GPR160: variants seen among roughly 807,000 people sequenced by gnomAD.
GPR160 encodes the protein probable G protein-coupled receptor 160.
Under a neutral mutation model 2.6 loss-of-function variants are expected in GPR160, and 2 were observed. The observed-to-expected ratio is 0.77, with a 90% CI of 0.32 to 2.44. The LOEUF is 2.44. GPR160 is among the 30% of genes most tolerant of loss of function. The pLI is 0.11. For missense variants in GPR160, 351 were observed against 383.6 expected, an observed-to-expected ratio of 0.91 and a Z score of 0.71; for synonymous variants, 130 against 132.2, an observed-to-expected ratio of 0.98 and a Z score of 0.12.
At chr3:170,046,635 T>C (rs993975533) in intron 2 of GPR160, among the ~76,000 whole-genome samples, 21 of 152,212 alleles carry the variant, frequency 1.4e-4, no homozygotes, top group African/African-American at 5.1e-4. Context: ...ATAGAACAGA[T>C]ACATTGAGAG....
At chr3:170,052,977 T>G (rs548320931) in intron 2 of GPR160, among the ~76,000 whole-genome samples, 2 of 150,014 alleles carry the variant, frequency 1.3e-5, no homozygotes, top group South Asian at 4.3e-4. Context: ...TTTCCTTTCC[T>G]CCATTGAATT....
At chr3:170,062,633 T>A (rs1353832105) in intron 2 of GPR160, 1 of 1,414,922 alleles carries the variant, frequency 7.1e-7, no homozygotes, top group African/African-American at 1.4e-5. Flanking sequence ...GGCCTCGTCT[T>A]GTGATTCCAC....
intron 2 of GPR160, among the ~76,000 whole-genome samples, chr3:170,041,523 G>T (rs1681749096): frequency 6.6e-6 from 1 of 152,074 alleles, no homozygotes; most frequent in South Asian, 2.1e-4. Context: ...CTCGTGATCT[G>T]CCCGCCTCAG....
intron 2 of GPR160, chr3:170,057,293 G>A (rs1180298640): frequency 2.6e-5 from 4 of 152,192 alleles, no homozygotes; most frequent in Non-Finnish European, 5.9e-5. Context: ...TTTAGAATAA[G>A]GGGATATAGC....
intron 2 of GPR160, among the ~76,000 whole-genome samples, chr3:170,071,162 T>G (rs1268749844): frequency 6.6e-6 from 1 of 152,178 alleles, no homozygotes; most frequent in Admixed American, 6.5e-5. Context: ...GGTTTAGATA[T>G]GTGTCCCCTC....
intron 2 of GPR160, among the ~76,000 whole-genome samples, chr3:170,061,902 A>AGGATTTGGGAGGC (rs1169961623): frequency 6.6e-6 from 1 of 152,130 alleles, no homozygotes; most frequent in Non-Finnish European, 1.5e-5. Flanking sequence ...GAATCCCAGC[A>AGGATTTGGGAGGC]CTTTGGGAGG....
chr3:170,075,007 C>T (rs995423478), intron 2 of GPR160, among the ~76,000 whole-genome samples: 1 of 152,290 alleles, frequency 6.6e-6, no homozygotes, highest in East Asian at 1.9e-4. Flanking sequence ...GGGCAGATCA[C>T]TTTAAGTCAG....
At chr3:170,078,914 G>A (rs928340433) in intron 2 of GPR160, among the ~76,000 whole-genome samples, 7 of 152,082 alleles carry the variant, frequency 4.6e-5, no homozygotes, top group South Asian at 4.1e-4. Flanking sequence ...CATAGCTTCC[G>A]GGGGAGAATA....
intron 2 of GPR160, among the ~76,000 whole-genome samples, chr3:170,045,442 A>AAAAAAAAAAC (rs1716675257): frequency 8.1e-6 from 1 of 122,992 alleles, no homozygotes; most frequent in Non-Finnish European, 1.7e-5. Context: ...AAAAAAAAAA[A>AAAAAAAAAAC]AAAAACCAAT....
intron 3 of GPR160, among the ~76,000 whole-genome samples, chr3:170,081,476 AAGT>A (rs1713125141): frequency 6.6e-6 from 1 of 152,218 alleles, no homozygotes; most frequent in Admixed American, 6.5e-5. Context: ...ACGTTTGTAT[AAGT>A]AGATTATTTG....
rs1349775320 is a variant in GPR160, at chr3:170,072,083, T to C, written c.-192-7691T>C. 1.0e-4 allele frequency among the ~76,000 whole-genome samples: 15 copies of C among 146,512 alleles called. No individual in the cohort carries two copies. The South Asian group carries it at 3.4e-3, about 33-fold the overall frequency. On this transcript the variant is annotated intron_variant, in intron 2 of 3. Transcript: ENST00000355897. ...GTATACAAGCTTTTTTTTTTTTTTT[T>C]TTTTTTTGTGAGGCAGATTCTCGCT...
At chr3:170,067,292 G>A (rs552324143) in intron 2 of GPR160, among the ~76,000 whole-genome samples, 9 of 152,140 alleles carry the variant, frequency 5.9e-5, no homozygotes, top group African/African-American at 1.7e-4. Flanking sequence ...AGCGTGAGCC[G>A]TCGTGCCAGG....
rs768660597 is a variant in GPR160, at chr3:170,066,130, C to CTT, written c.-192-13617_-192-13616dup. Among the ~76,000 whole-genome samples, 181 of 85,170 alleles carry CTT rather than the reference C, an allele frequency of 2.1e-3. 20 individuals are homozygous for CTT. Among genetic ancestry groups the CTT allele is most frequent in the African/African-American group, 7.0e-3 (136 of 19,412 alleles). The allele number at this position is 85,170 out of a possible 152,430, so 55.9% of individuals were successfully genotyped here. Reference sequence around the variant, plus strand: ...ACTTGACACTATTCTTTTTCTTTTTCTTTTTTTTTTTTTTTTTTTTTTTTT... The same window carrying CTT: ...ACTTGACACTATTCTTTTTCTTTTTCTTTTTTTTTTTTTTTTTTTTTTTTTTT... On this transcript the variant is annotated intron_variant, in intron 2 of 3. Transcript: ENST00000355897.
chr3:170,079,571 A>C (rs1312828245), intron 2 of GPR160, among the ~76,000 whole-genome samples: 1 of 152,142 alleles, frequency 6.6e-6, no homozygotes, highest in East Asian at 1.9e-4. Context: ...CAATCTCTCC[A>C]TCTTTGGTGT....
Position 170,084,204 on chromosome 3 carries a change from T to A in GPR160, c.232T>A (p.Tyr78Asn). The change falls in exon 4 of 4, where the codon TAT becomes AAT. Residue 78 changes from tyrosine (Y) to asparagine (N), a missense_variant. Coordinates refer to ENST00000355897, the MANE Select transcript of GPR160 (RefSeq NM_014373.3). ...TTTGGTAAACATTTCCATTATATTG[T>A]ATTTCAGGGATTTTGTACTTTTAAG... ...LLLVNISIIL[Y>N]FRDFVLLSIR... is the part of the protein sequence containing the mutation. The A allele has an allele frequency of 6.3e-7, 1 of 1,595,744 alleles. No homozygotes were observed. Among genetic ancestry groups the A allele is most frequent in the Non-Finnish European group, 8.6e-7 (1 of 1,169,394 alleles).
chr3:170,082,623 T>C (rs1245067096), intron 3 of GPR160, among the ~76,000 whole-genome samples: 1 of 152,064 alleles, frequency 6.6e-6, no homozygotes, highest in African/African-American at 2.4e-5. Context: ...CGAGACAGGG[T>C]CTTGCTCTGT....
intron 2 of GPR160, among the ~76,000 whole-genome samples, chr3:170,072,710 T>C (rs772812116): frequency 1.3e-5 from 2 of 152,002 alleles, no homozygotes; most frequent in Non-Finnish European, 2.9e-5. Flanking sequence ...TGTAAACAAA[T>C]AAGAGTGAGG....
rs921605197 is a variant in GPR160, at chr3:170,039,030, C to A, written c.-206C>A. 6.6e-6 allele frequency: 1 copy of A among 151,978 alleles called. No individual in the cohort carries two copies. The highest frequency in any genetic ancestry group is 2.4e-5 in the African/African-American group (1 of 41,354). The allele number at this position is 151,978 out of a possible 1,614,324, so 9.4% of individuals were successfully genotyped here. ...CCGCTCTCGCTTCGTCCTACACTTG[C>A]GCAAATGTCTCCGGTAAGGGGAAGT... is the stretch of plus-strand genomic sequence containing the variant. On this transcript the variant is annotated 5_prime_UTR_variant, in exon 2 of 4. Coordinates refer to ENST00000355897, the MANE Select transcript of GPR160 (RefSeq NM_014373.3).
At chr3:170,041,298 A>ATTT (rs764849488) in intron 2 of GPR160, among the ~76,000 whole-genome samples, 6 of 120,874 alleles carry the variant, frequency 5.0e-5, no homozygotes, top group Admixed American at 9.1e-5. Context: ...GGATGTAAAG[A>ATTT]TTTTTTTTTT....
Sources: allele counts gnomAD v4.1 joint callset (sites outside exome capture counted in the v4.1 genomes callset), GRCh38; gene constraint gnomAD v4.1.1; transcripts MANE v1.5; gene names NCBI Gene and HGNC (gene_info 2026-07-23, HGNC 2026-07-21).